Variants in GNA15 observed in about 807,000 individuals in gnomAD.
GNA15 encodes G protein subunit alpha 15.
In GNA15, 23 loss-of-function variants were observed where a neutral mutation model predicts 40.1. The observed-to-expected ratio is 0.57, with a 90% confidence interval of 0.41 to 0.81. The LOEUF (loss-of-function observed/expected upper bound fraction) is 0.81, where lower values mean the gene tolerates loss of function less well. Among genes scored for constraint, GNA15 ranks in the 40% least tolerant of loss-of-function variants. GNA15 has a pLI of 0.00. For synonymous variants in GNA15, 226 were observed against 210.4 expected (o/e 1.07, Z -0.64); for missense variants, 522 against 515.8 (o/e 1.01, Z -0.12).
chr19:3,152,450 G>A (rs745534576), intron 4 of GNA15, among the ~76,000 whole-genome samples: 1 of 152,092 alleles, frequency 6.6e-6, no homozygotes, highest in Non-Finnish European at 1.5e-5. Flanking sequence ...GGAGCCGGTG[G>A]GCTAGAGGAT....
chr19:3,147,152 C>T (rs937983423), intron 1 of GNA15, among the ~76,000 whole-genome samples: 1 of 152,194 alleles, frequency 6.6e-6, no homozygotes, highest in African/African-American at 2.4e-5. Flanking sequence ...ATCGTAGTCA[C>T]CTAATTACTC....
chr19:3,136,518 G>A lies in GNA15; in HGVS notation c.68G>A (p.Arg23Gln), dbSNP rs771387678. The change falls in exon 1 of 7, where the codon CGG (arginine) becomes CAG (glutamine). Residue 23 changes from arginine (R) to glutamine (Q), a missense_variant. Arg to Gln is a conservative substitution (Grantham distance 43). Transcript: ENST00000262958. This position sits in a 1 kb window ranked among gnomAD's most constrained non-coding sequence, Gnocchi z 4.9. ...ACGGAGGATGAGAAGGCCGCCGCCC[G>A]GGTGGACCAGGAGATCAACAGGATC... Reference protein sequence around the residue: ...CLTEDEKAAARVDQEINRILL... With the variant: ...CLTEDEKAAAQVDQEINRILL... The A allele has an allele frequency of 6.4e-6, 10 of 1,565,876 alleles. No individual in the cohort carries two copies. The Admixed American group carries it at 7.6e-5, about 12-fold the overall frequency.
At chr19:3,138,964 TA>T (rs1405594643) in intron 1 of GNA15, among the ~76,000 whole-genome samples, 2 of 126,774 alleles carry the variant, frequency 1.6e-5, no homozygotes, top group African/African-American at 6.0e-5. Context: ...TCTTTTTTTT[TA>T]GATTGAGTCT....
rs1425408476 is a variant in GNA15, at chr19:3,145,357, A to ATT, written c.146-3233_146-3232insTT. On this transcript the variant is annotated intron_variant, in intron 1 of 6. Coordinates refer to ENST00000262958, the MANE Select transcript of GNA15 (RefSeq NM_002068.4). The stretch of plus-strand genomic sequence containing the variant: ...ACTAAATATATATATATATATATAT[A>ATT]TATTTTTTTTTTTTTGTAGAGATGG... Among the ~76,000 whole-genome samples, 39 of 41,650 alleles carry ATT rather than the reference A, an allele frequency of 9.4e-4. 1 individual carries two copies. Among genetic ancestry groups the ATT allele is most frequent in the South Asian group, 5.5e-3 (9 of 1,638 alleles). The allele number at this position is 41,650 out of a possible 152,430, so 27.3% of individuals were successfully genotyped here.
Position 3,155,836 on chromosome 19 carries a change from G to A in GNA15, c.628G>A (p.Gly210Arg), listed in dbSNP as rs770781206. The A allele has an allele frequency of 3.1e-6, 5 of 1,612,844 alleles. No individual in the cohort carries two copies. The highest frequency in any genetic ancestry group is 1.3e-5 in the African/African-American group (1 of 74,874). Residue 210 changes from glycine to arginine, a missense_variant, in exon 5 of 7, where the codon GGG (glycine) becomes AGG (arginine). Transcript: ENST00000262958. This position sits in a 1 kb window ranked among gnomAD's most constrained non-coding sequence, Gnocchi z 5.6. ...GGTTCCCTGTAGGATCGTGGACGTC[G>A]GGGGCCAGAAGTCAGAGCGTAAGAA... ...QKTNLRIVDV[G>R]GQKSERKKWI...
Position 3,136,367 on chromosome 19 carries a change from C to A in GNA15, c.-84C>A. ...CGCACCCGGTTGCCCGGAGCCCTCT[C>A]CAGGGCCGGCTGGGCTGGGGGTTGC... On this transcript the variant is annotated 5_prime_UTR_variant, in exon 1 of 7. Coordinates refer to ENST00000262958, the MANE Select transcript of GNA15 (RefSeq NM_002068.4). This position sits in a 1 kb window ranked among gnomAD's most constrained non-coding sequence, Gnocchi z 4.9. The A allele has an allele frequency of 7.0e-7, 1 of 1,428,074 alleles. No individual in the cohort carries two copies. Among genetic ancestry groups the A allele is most frequent in the South Asian group, 1.4e-5 (1 of 72,796 alleles). 88.5% of individuals were successfully genotyped at this position (1,428,074 alleles called of 1,614,324 possible). A position where few individuals can be genotyped will look rare whatever the true frequency, so the allele number is the denominator to read the frequency against.
intron 1 of GNA15, among the ~76,000 whole-genome samples, chr19:3,138,955 C>T (rs374759596): frequency 0.35 from 32,363 of 93,010 alleles, 4,434 homozygotes; most frequent in Non-Finnish European, 0.39. Context: ...TTTTTTTTTT[C>T]TTTTTTTTTA....
rs1470318900 is a variant in GNA15 at position 3,148,501 on chromosome 19, C to A, written c.146-90C>A. ...CGGGGTTTGAACCCAGGAGGCCTGG[C>A]GTGGAGTTGGGGGTGTCTGACGTGG... On this transcript the variant is annotated intron_variant, in intron 1 of 6. Transcript: ENST00000262958. 30 of 1,245,732 alleles carry A rather than the reference C, an allele frequency of 2.4e-5. No homozygotes were observed. The Admixed American group carries it at 4.1e-4, about 17-fold the overall frequency. The allele number at this position is 1,245,732 out of a possible 1,614,324, so 77.2% of individuals were successfully genotyped here.
chr19:3,156,794 C>G (rs185261548), intron 5 of GNA15, among the ~76,000 whole-genome samples: 39 of 152,220 alleles, frequency 2.6e-4, no homozygotes, highest in Admixed American at 2.6e-3. Context: ...CTGTGCCCAG[C>G]CAATAGCCTC....
At chr19:3,140,061 A>ATCTG (rs1201751143) in intron 1 of GNA15, among the ~76,000 whole-genome samples, 1 of 151,178 alleles carries the variant, frequency 6.6e-6, no homozygotes, top group Non-Finnish European at 1.5e-5. Flanking sequence ...CTATCTATCT[A>ATCTG]TCTATCTATC....
chr19:3,138,496 T>C (rs1304687608), intron 1 of GNA15, among the ~76,000 whole-genome samples: 6 of 152,226 alleles, frequency 3.9e-5, no homozygotes, highest in African/African-American at 1.2e-4. Context: ...CCCGTGATGG[T>C]TGCTATCGTC....
At position 3,150,237 on chromosome 19, in the gene GNA15, C is replaced by T; in HGVS notation, c.437C>T (p.Ala146Val). 6.2e-7 allele frequency: 1 copy of T among 1,609,956 alleles called. No homozygotes were observed. The change falls in exon 3 of 7, where the codon GCC becomes GTC. Residue 146 changes from alanine to valine, a missense_variant. By Grantham distance (64) the Ala-to-Val change is moderately conservative. Transcript: ENST00000262958. ...CTGTGGAGGGATGCCGGCATCCGGG[C>T]CTGCTATGAGCGTCGGCGGGAATTC... ...QWLWRDAGIR[A>V]CYERRREFHL...
chr19:3,156,198 ACACACTACAG>A (rs1915011265), intron 5 of GNA15, among the ~76,000 whole-genome samples: 2 of 146,198 alleles, frequency 1.4e-5, no homozygotes, highest in African/African-American at 5.3e-5. Context: ...ACACACACAC[ACACACTACAG>A]TGCACACACG....
chr19:3,148,783 G>A lies in GNA15; in HGVS notation c.330+8G>A, dbSNP rs947895232. ...AGCAGGCCCGAGAGCAAGGTGAGCC[G>A]CCAGGGCAGGCAGGGGCCCAGGGCA... is the stretch of plus-strand genomic sequence containing the variant. On this transcript the variant is annotated splice_region_variant and intron_variant, in intron 2 of 6. Coordinates refer to ENST00000262958, the MANE Select transcript of GNA15 (RefSeq NM_002068.4). 2 of 1,586,828 alleles carry A rather than the reference G, an allele frequency of 1.3e-6. No homozygotes were observed. Among genetic ancestry groups the A allele is most frequent in the Non-Finnish European group, 1.7e-6 (2 of 1,166,508 alleles).
At chr19:3,138,249 A>G (rs1914496042) in intron 1 of GNA15, among the ~76,000 whole-genome samples, 1 of 152,000 alleles carries the variant, frequency 6.6e-6, no homozygotes, top group South Asian at 2.1e-4. Context: ...CTGGGCAACA[A>G]GAACAAAACT....
chr19:3,163,222 G>C lies in GNA15; in HGVS notation c.*203G>C, dbSNP rs1158004921. On this transcript the variant is annotated 3_prime_UTR_variant, in exon 7 of 7. Coordinates refer to ENST00000262958, the MANE Select transcript of GNA15 (RefSeq NM_002068.4). ...CCCCAGGGTACTCCTGCCCTTGCTTGACTCAGTTTCCCTCCTTTGAAAGGG... is the reference window on the plus strand; with the variant it reads ...CCCCAGGGTACTCCTGCCCTTGCTTCACTCAGTTTCCCTCCTTTGAAAGGG... 3 of 585,520 alleles carry C rather than the reference G, an allele frequency of 5.1e-6. No individual in the cohort carries two copies. The East Asian group carries it at 8.5e-5, about 17-fold the overall frequency. 36.3% of individuals were successfully genotyped at this position (585,520 alleles called of 1,614,324 possible). A position where few individuals can be genotyped will look rare whatever the true frequency, so the allele number is the denominator to read the frequency against.
At chr19:3,145,058 T>C (rs1042915356) in intron 1 of GNA15, among the ~76,000 whole-genome samples, 1 of 151,980 alleles carries the variant, frequency 6.6e-6, no homozygotes, top group Non-Finnish European at 1.5e-5. Flanking sequence ...TTTCACCATG[T>C]TGGTCAGGCT....
At position 3,157,881 on chromosome 19, in the gene GNA15, GGTAA is replaced by G. The variant is rs748428364; in HGVS notation, c.898+5_898+8del. The G allele has an allele frequency of 8.1e-6, 13 of 1,611,084 alleles. No individual in the cohort carries two copies. Among genetic ancestry groups the G allele is most frequent in the South Asian group, 5.5e-5 (5 of 91,036 alleles). On this transcript the variant is annotated splice_donor_variant and splice_donor_region_variant and intron_variant, in intron 6 of 6. Coordinates refer to ENST00000262958, the MANE Select transcript of GNA15 (RefSeq NM_002068.4). LOFTEE classifies it high-confidence loss of function. Reference sequence around the variant, plus strand: ...GGCTACCTATTTCCCCAGTTTCCAGGGTAAGTAATTCTAGAACTTTCTATACCCT... The same window carrying G: ...GGCTACCTATTTCCCCAGTTTCCAGGGTAATTCTAGAACTTTCTATACCCT...
In GNA15 at chr19:3,151,028, C is replaced by G. The variant is rs1011654633; in HGVS notation, c.486-679C>G. ...GGGGGGACTGTATTCCTAGAGTGACCCTGTTCTTGGAGGGACCCTGTTCCT... is the reference window on the plus strand; with the variant it reads ...GGGGGGACTGTATTCCTAGAGTGACGCTGTTCTTGGAGGGACCCTGTTCCT... On this transcript the variant is annotated intron_variant, in intron 3 of 6. Transcript: ENST00000262958. This position sits in a 1 kb window ranked among gnomAD's most constrained non-coding sequence, Gnocchi z 5.0. Among the ~76,000 whole-genome samples the G allele has an allele frequency of 2.0e-5, 3 of 151,786 alleles. No individual in the cohort carries two copies. Among genetic ancestry groups the G allele is most frequent in the African/African-American group, 7.3e-5 (3 of 41,320 alleles).
Sources: allele counts gnomAD v4.1 joint callset (sites outside exome capture counted in the v4.1 genomes callset), GRCh38; gene constraint gnomAD v4.1.1; non-coding constraint Gnocchi (gnomAD v3.1); transcripts MANE v1.5; gene names NCBI Gene and HGNC (gene_info 2026-07-23, HGNC 2026-07-21).